SH3RF2: variants seen among roughly 807,000 people sequenced by gnomAD.
SH3RF2 encodes E3 ubiquitin-protein ligase SH3RF2.
In SH3RF2, 43 loss-of-function variants were observed where a neutral mutation model predicts 59.0. The ratio of observed to expected loss-of-function variants is 0.73; its 90% CI spans 0.57 to 0.94. SH3RF2 has a LOEUF of 0.94. SH3RF2 is among the 40% of genes least tolerant of loss of function. The probability of loss-of-function intolerance (pLI) is 0.00; values close to 1 mark genes in which losing one functional copy is unlikely to be tolerated. For missense variants in SH3RF2, 930 were observed against 940.1 expected (o/e 0.99, Z 0.14); for synonymous variants, 391 against 391.5 (o/e 1.00, Z 0.01).
At chr5:146,065,564 A>T (rs1426722443), downstream of SH3RF2, among the ~76,000 whole-genome samples, 1 of 152,188 alleles carries the variant, frequency 6.6e-6, no homozygotes, top group African/African-American at 2.4e-5. Context: ...ATGAAATGAA[A>T]TATTCTTCTC....
chr5:146,039,595 C>A (rs1198999517), intron 5 of SH3RF2, among the ~76,000 whole-genome samples: 1 of 152,126 alleles, frequency 6.6e-6, no homozygotes, highest in Non-Finnish European at 1.5e-5. Flanking sequence ...AAAAGCCAGG[C>A]CTTACCACAT....
At chr5:146,002,415 C>G (rs181656017) in intron 3 of SH3RF2, among the ~76,000 whole-genome samples, 1 of 150,846 alleles carries the variant, frequency 6.6e-6, no homozygotes, top group African/African-American at 2.4e-5. Flanking sequence ...CGCGCCATTG[C>G]ACTCCAGCCT....
chr5:146,013,604 A>G (rs1485904257), intron 4 of SH3RF2, 143 bp from the exon 5 acceptor site: 3 of 771,492 alleles, frequency 3.9e-6, no homozygotes, highest in Non-Finnish European at 6.3e-6. Flanking sequence ...GGAAGCTGTT[A>G]CTGTGCTCAC....
At chr5:146,081,509 C>G (rs556400875) in exon 10 of SH3RF2, 1 of 152,074 alleles carries the variant, frequency 6.6e-6, no homozygotes, top group Non-Finnish European at 1.5e-5. Flanking sequence ...TGCTCTTTAC[C>G]GCGAGACTGA....
intron 5 of SH3RF2, among the ~76,000 whole-genome samples, chr5:146,022,917 A>G (rs1408853326): frequency 7.8e-6 from 1 of 128,310 alleles, no homozygotes; most frequent in African/African-American, 2.6e-5. Context: ...ACACACACAC[A>G]CACACAATTC....
In SH3RF2 at chr5:146,062,781, C is replaced by T. The variant is rs777803325; in HGVS notation, c.*80C>T. On this transcript the variant is annotated 3_prime_UTR_variant, in exon 10 of 10. Coordinates refer to ENST00000359120, the MANE Select transcript of SH3RF2 (RefSeq NM_152550.4). The stretch of plus-strand genomic sequence containing the variant: ...TCTGCCTCCACTGAGGGCATCCTGC[C>T]ATTCTTTGGGGACTTGAGCATGGGT... 1.5e-5 allele frequency: 23 copies of T among 1,523,958 alleles called. No homozygotes were observed. The highest frequency in any genetic ancestry group is 1.9e-5 in the Non-Finnish European group (22 of 1,132,484). The allele number at this position is 1,523,958 out of a possible 1,614,324, so 94.4% of individuals were successfully genotyped here. A position where few individuals can be genotyped will look rare whatever the true frequency, so the allele number is the denominator to read the frequency against.
chr5:145,978,929 TG>T (rs1314725625), intron 2 of SH3RF2, among the ~76,000 whole-genome samples: 5 of 152,132 alleles, frequency 3.3e-5, no homozygotes, highest in African/African-American at 9.7e-5. Context: ...CAGAGCTAAA[TG>T]GGGGCCAACT....
At chr5:146,008,530 T>C (rs1760740827) in intron 4 of SH3RF2, among the ~76,000 whole-genome samples, 1 of 152,216 alleles carries the variant, frequency 6.6e-6, no homozygotes, top group Non-Finnish European at 1.5e-5. Context: ...TAGTTCAAGC[T>C]GCCATCAGAG....
intron 2 of SH3RF2, among the ~76,000 whole-genome samples, chr5:145,944,337 C>CTT (rs59087828): frequency 2.5e-4 from 35 of 141,078 alleles, no homozygotes; most frequent in African/African-American, 7.3e-4. Context: ...TTTCTTTTCC[C>CTT]TTTTTTTTTT....
chr5:145,980,354 A>AT (rs1370788661), intron 2 of SH3RF2, among the ~76,000 whole-genome samples: 1 of 148,492 alleles, frequency 6.7e-6, no homozygotes, highest in South Asian at 2.2e-4. Flanking sequence ...CAGGGTGTAC[A>AT]TATTTTTTTG....
rs1191770450 is a variant in SH3RF2, at chr5:146,062,889, C to A, written c.*188C>A. ...CTGGGTGGGAGGATAGATGGCGTGGCCTTCCAAACATACAAACATAATGAT... is the reference window on the plus strand; with the variant it reads ...CTGGGTGGGAGGATAGATGGCGTGGACTTCCAAACATACAAACATAATGAT... On this transcript the variant is annotated 3_prime_UTR_variant, in exon 10 of 10. Coordinates refer to ENST00000359120, the MANE Select transcript of SH3RF2 (RefSeq NM_152550.4). 3 of 714,162 alleles carry A rather than the reference C, an allele frequency of 4.2e-6. No individual in the cohort carries two copies. The highest frequency in any genetic ancestry group is 1.9e-5 in the South Asian group (1 of 51,436). The allele number at this position is 714,162 out of a possible 1,614,324, so 44.2% of individuals were successfully genotyped here.
chr5:146,060,073 G>A lies in SH3RF2; in HGVS notation c.1763G>A (p.Gly588Asp), dbSNP rs773444289. Residue 588 changes from glycine (G) to aspartate (D), a missense_variant, in exon 9 of 10, where the codon GGC (glycine) becomes GAC (aspartate). Gly to Asp is a moderately conservative substitution (Grantham distance 94). Coordinates refer to ENST00000359120, the MANE Select transcript of SH3RF2 (RefSeq NM_152550.4). ...GEPALTCISRGSEAWIHSAAS... is the reference protein window; with the variant it reads ...GEPALTCISRDSEAWIHSAAS... ...CCCGCCCTCACGTGCATCAGCAGGG[G>A]CAGTGAGGCCTGGATCCACTCCGCG... 3.1e-6 allele frequency: 5 copies of A among 1,613,910 alleles called. No homozygotes were observed. The South Asian group carries it at 4.4e-5, about 14-fold the overall frequency.
At chr5:145,965,758 G>A (rs1758834423) in intron 2 of SH3RF2, among the ~76,000 whole-genome samples, 1 of 152,126 alleles carries the variant, frequency 6.6e-6, no homozygotes, top group Admixed American at 6.6e-5. Flanking sequence ...AAAACTGTAG[G>A]CACTCTCATA....
chr5:145,984,151 G>A (rs1001121578), intron 2 of SH3RF2, among the ~76,000 whole-genome samples: 1 of 152,074 alleles, frequency 6.6e-6, no homozygotes, highest in East Asian at 1.9e-4. Context: ...TATTGTGTAT[G>A]TCTCATTTAT....
At chr5:146,002,617 G>A (rs1460061115) in intron 3 of SH3RF2, among the ~76,000 whole-genome samples, 1 of 152,160 alleles carries the variant, frequency 6.6e-6, no homozygotes, top group East Asian at 1.9e-4. Context: ...ACCAGTCCGT[G>A]GCCTGTGAGG....
intron 5 of SH3RF2, among the ~76,000 whole-genome samples, chr5:146,038,534 G>T (rs1442735766): frequency 1.3e-5 from 2 of 152,066 alleles, no homozygotes; most frequent in African/African-American, 4.8e-5. Context: ...ACACTAAATA[G>T]AAAAATGATT....
chr5:145,988,891 C>A (rs1043533818), intron 2 of SH3RF2, among the ~76,000 whole-genome samples: 2 of 152,138 alleles, frequency 1.3e-5, no homozygotes, highest in Non-Finnish European at 2.9e-5. Context: ...GGCTAACCAG[C>A]CCTTTCTAAT....
At chr5:146,011,165 C>G (rs974470814) in intron 4 of SH3RF2, among the ~76,000 whole-genome samples, 13 of 152,040 alleles carry the variant, frequency 8.6e-5, no homozygotes, top group Non-Finnish European at 1.3e-4. Flanking sequence ...ATTTTTGTCG[C>G]GTTTGTCAAA....
chr5:145,938,866 T>C (rs2149936382), intron 2 of SH3RF2, among the ~76,000 whole-genome samples: 1 of 152,282 alleles, frequency 6.6e-6, no homozygotes, highest in South Asian at 2.1e-4. Context: ...TCTATGTGGG[T>C]GGACTGATTG....
Sources: allele counts gnomAD v4.1 joint callset (sites outside exome capture counted in the v4.1 genomes callset), GRCh38; gene constraint gnomAD v4.1.1; transcripts MANE v1.5; gene names NCBI Gene and HGNC (gene_info 2026-07-23, HGNC 2026-07-21).